DDN: variants seen among roughly 807,000 people sequenced by gnomAD.
DDN encodes dendrin.
A neutral mutation model predicts 7.3 loss-of-function variants in DDN; 4 were observed. The ratio of observed to expected loss-of-function variants is 0.55; its 90% CI spans 0.27 to 1.25. The LOEUF (loss-of-function observed/expected upper bound fraction) is 1.25. Ranked by LOEUF, DDN falls within the 50% of genes most tolerant of loss-of-function variation. The pLI is 0.12. For synonymous variants in DDN, 425 were observed against 424.3 expected, an observed-to-expected ratio of 1.00 and a Z score of -0.02; for missense variants, 933 against 974.7, an observed-to-expected ratio of 0.96 and a Z score of 0.57.
In DDN at chr12:48,998,006, C is replaced by T. The variant is rs1232068689; in HGVS notation, c.870G>A (p.Gly290=). 1 of 1,613,526 alleles carries T rather than the reference C, an allele frequency of 6.2e-7. No individual in the cohort carries two copies. Among genetic ancestry groups the T allele is most frequent in the African/African-American group, 1.3e-5 (1 of 75,070 alleles). Residue 290 remains glycine, a synonymous_variant, in exon 2 of 2, where the codon GGG becomes GGA. Transcript: ENST00000421952. The part of the protein sequence containing the change: ...DVLGAWGLRQ[G]QGLLGGSPGC... ...CTGGGGATCCCCCCAAGAGACCTTG[C>T]CCCTGTCGGAGACCCCAAGCCCCGA...
Position 48,997,433 on chromosome 12 carries a change from C to T in DDN, c.1443G>A (p.Gly481=), listed in dbSNP as rs1941224733. The part of the protein sequence containing the change: ...RTQQVQLLPS[G]VTRVVGDSPS... ...GGGAATCCCCCACCACGCGTGTCAC[C>T]CCAGAGGGCAAAAGCTGCACCTGCT... The change falls in exon 2 of 2, where the codon GGG becomes GGA. Residue 481 remains glycine, a synonymous_variant. Coordinates refer to ENST00000421952, the MANE Select transcript of DDN (RefSeq NM_015086.2). 1 of 1,614,018 alleles carries T rather than the reference C, an allele frequency of 6.2e-7. No individual in the cohort carries two copies.
Position 48,998,097 on chromosome 12 carries a change from G to A in DDN, c.779C>T (p.Thr260Ile). The part of the protein sequence containing the change: ...QVPTSSAPAA[T>I]PARTDGGRTK... ...GCGCCCTCCGTCTGTCCTGGCTGGA[G>A]TCGCAGCTGGGGCTGATGAAGTGGG... The change falls in exon 2 of 2, where the codon ACT becomes ATT. Residue 260 changes from threonine (T) to isoleucine (I), a missense_variant. Coordinates refer to ENST00000421952, the MANE Select transcript of DDN (RefSeq NM_015086.2). 1.2e-6 allele frequency: 2 copies of A among 1,613,984 alleles called. No homozygotes were observed. The highest frequency in any genetic ancestry group is 1.7e-6 in the Non-Finnish European group (2 of 1,180,042).
chr12:48,999,356 C>A lies in DDN; in HGVS notation c.-69G>T. The A allele has an allele frequency of 7.1e-7, 1 of 1,417,946 alleles. No homozygotes were observed. The highest frequency in any genetic ancestry group is 9.4e-7 in the Non-Finnish European group (1 of 1,064,392). 87.8% of individuals were successfully genotyped at this position (1,417,946 alleles called of 1,614,324 possible). A position where few individuals can be genotyped will look rare whatever the true frequency, so the allele number is the denominator to read the frequency against. On this transcript the variant is annotated 5_prime_UTR_variant, in exon 1 of 2. Coordinates refer to ENST00000421952, the MANE Select transcript of DDN (RefSeq NM_015086.2). ...AGGAGCCCCCTCCCAGCCCAGGGAG[C>A]CGGCGCCCACTGCAGAGCCGCGGGC...
chr12:48,999,153 A>G lies in DDN; in HGVS notation c.135T>C (p.Tyr45=), dbSNP rs1941263011. 1 of 1,613,984 alleles carries G rather than the reference A, an allele frequency of 6.2e-7. No individual in the cohort carries two copies. The highest frequency in any genetic ancestry group is 1.1e-5 in the South Asian group (1 of 91,088). ...VIEVKTISCH[Y]SRRAPSRQPM... ...GCTGTCGAGAAGGGGCGCGGCGACT[A>G]TAATGACAGGAAATAGTCTTCACTT... Residue 45 remains tyrosine, a synonymous_variant, in exon 1 of 2, where the codon TAT becomes TAC. Coordinates refer to ENST00000421952, the MANE Select transcript of DDN (RefSeq NM_015086.2).
chr12:48,998,768 A>G, intron 1 of DDN, 102 bp from the exon 2 acceptor site: 1 of 1,364,146 alleles, frequency 7.3e-7, no homozygotes. Context: ...AGCCATGTGA[A>G]GGGGTGTGTG....
intron 1 of DDN, 130 bp from the exon 2 acceptor site, chr12:48,998,796 G>T: frequency 8.3e-7 from 1 of 1,198,648 alleles, no homozygotes; most frequent in Non-Finnish European, 1.1e-6. Flanking sequence ...GTGCGCGTGT[G>T]CACGTGCGTA....
rs1941189127 is a variant in DDN, at chr12:48,995,409, C to T, written c.*1331G>A. 1 of 152,488 alleles carries T rather than the reference C, an allele frequency of 6.6e-6. No individual in the cohort carries two copies. The highest frequency in any genetic ancestry group is 2.1e-4 in the South Asian group (1 of 4,846). 9.4% of individuals were successfully genotyped at this position (152,488 alleles called of 1,614,324 possible). On this transcript the variant is annotated 3_prime_UTR_variant, in exon 2 of 2. Transcript: ENST00000421952. ...AGACTTCGGTGTCTGAGTCCCAAGC[C>T]GGCTGGGGTGGATGAGTACAAAGAT...
At position 48,996,617 on chromosome 12, in the gene DDN, G is replaced by A. The variant is rs1467161210; in HGVS notation, c.*123C>T. 1 of 1,414,374 alleles carries A rather than the reference G, an allele frequency of 7.1e-7. No homozygotes were observed. Among genetic ancestry groups the A allele is most frequent in the Non-Finnish European group, 9.4e-7 (1 of 1,068,338 alleles). The allele number at this position is 1,414,374 out of a possible 1,614,324, so 87.6% of individuals were successfully genotyped here. On this transcript the variant is annotated 3_prime_UTR_variant, in exon 2 of 2. Transcript: ENST00000421952. ...CCCTTCCTTTCATTTATATTTCAAG[G>A]ATGAGAACAGGTATGGGTAAAGATA...
chr12:48,996,862 T>C lies in DDN; in HGVS notation c.2014A>G (p.Lys672Glu). ...ACACTGTCGCTCAGTTCCGCTGTCT[T>C]CCCATCTTCCTCTGGCGAACTGTTT... ...VGNSSPEEDG[K>E]TAELSDSVGE... The change falls in exon 2 of 2, where the codon AAG becomes GAG. Residue 672 changes from lysine (K) to glutamate (E), a missense_variant. Lys to Glu is a moderately conservative substitution (Grantham distance 56). Transcript: ENST00000421952. 1 of 1,614,184 alleles carries C rather than the reference T, an allele frequency of 6.2e-7. No individual in the cohort carries two copies. Among genetic ancestry groups the C allele is most frequent in the South Asian group, 1.1e-5 (1 of 91,082 alleles).
At position 48,997,446 on chromosome 12, in the gene DDN, A is replaced by C. The variant is rs1340873397; in HGVS notation, c.1430T>G (p.Leu477Arg). Residue 477 changes from leucine (L) to arginine (R), a missense_variant, in exon 2 of 2, where the codon CTT (leucine) becomes CGT (arginine). By Grantham distance (102) the Leu-to-Arg change is moderately radical (BLOSUM62 -2). Transcript: ENST00000421952. Reference sequence around the variant, plus strand: ...CACGCGTGTCACCCCAGAGGGCAAAAGCTGCACCTGCTGGGTTCGGGGGGT... The same window carrying C: ...CACGCGTGTCACCCCAGAGGGCAAACGCTGCACCTGCTGGGTTCGGGGGGT... Reference protein sequence around the residue: ...VPTPRTQQVQLLPSGVTRVVG... With the variant: ...VPTPRTQQVQRLPSGVTRVVG... The C allele has an allele frequency of 9.3e-6, 15 of 1,613,966 alleles. No homozygotes were observed. Among genetic ancestry groups the C allele is most frequent in the Non-Finnish European group, 1.1e-5 (13 of 1,180,016 alleles).
chr12:48,999,166 A>G lies in DDN; in HGVS notation c.122T>C (p.Ile41Thr), dbSNP rs965149990. ...SKLLVIEVKT[I>T]SCHYSRRAPS... ...GGCGCGGCGACTATAATGACAGGAA[A>G]TAGTCTTCACTTCTATCACCAATAG... The change falls in exon 1 of 2, where the codon ATT becomes ACT. Residue 41 changes from isoleucine to threonine, a missense_variant. By Grantham distance (89) the Ile-to-Thr change is moderately conservative. Transcript: ENST00000421952. 2 of 1,613,926 alleles carry G rather than the reference A, an allele frequency of 1.2e-6. No homozygotes were observed. Among genetic ancestry groups the G allele is most frequent in the African/African-American group, 2.7e-5 (2 of 74,886 alleles).
Position 48,996,606 on chromosome 12 carries a change from T to C in DDN, c.*134A>G. The C allele has an allele frequency of 7.2e-7, 1 of 1,380,828 alleles. No individual in the cohort carries two copies. Among genetic ancestry groups the C allele is most frequent in the Non-Finnish European group, 9.6e-7 (1 of 1,042,912 alleles). 85.5% of individuals were successfully genotyped at this position (1,380,828 alleles called of 1,614,324 possible). A position where few individuals can be genotyped will look rare whatever the true frequency, so the allele number is the denominator to read the frequency against. On this transcript the variant is annotated 3_prime_UTR_variant, in exon 2 of 2. Transcript: ENST00000421952. ...GGCATATGCTTCCCTTCCTTTCATT[T>C]ATATTTCAAGGATGAGAACAGGTAT...
At chr12:48,998,958 G>GCCC (rs1941259598) in intron 1 of DDN, 121 bp downstream of exon 1, 2 of 1,184,918 alleles carry the variant, frequency 1.7e-6, no homozygotes, top group South Asian at 2.9e-5. Flanking sequence ...TCGGGAGCGG[G>GCCC]CAGAGGTGGA....
rs916573744 is a variant in DDN at position 48,995,666 on chromosome 12, G to C, written c.*1074C>G. 1 of 152,262 alleles carries C rather than the reference G, an allele frequency of 6.6e-6. No individual in the cohort carries two copies. The highest frequency in any genetic ancestry group is 2.4e-5 in the African/African-American group (1 of 41,464). 9.4% of individuals were successfully genotyped at this position (152,262 alleles called of 1,614,324 possible). A position where few individuals can be genotyped will look rare whatever the true frequency, so the allele number is the denominator to read the frequency against. ...GGTGACCGGCCTCTTTCCTTGCCTG[G>C]CCGGTTTCTGGAAGAGGCCAAGATG... On this transcript the variant is annotated 3_prime_UTR_variant, in exon 2 of 2. Coordinates refer to ENST00000421952, the MANE Select transcript of DDN (RefSeq NM_015086.2).
chr12:48,998,532 G>C lies in DDN; in HGVS notation c.344C>G (p.Ala115Gly). 1.3e-6 allele frequency: 2 copies of C among 1,594,250 alleles called. No homozygotes were observed. The highest frequency in any genetic ancestry group is 1.3e-5 in the African/African-American group (1 of 74,226). The change falls in exon 2 of 2, where the codon GCG (alanine) becomes GGG (glycine). Residue 115 changes from alanine (A) to glycine (G), a missense_variant. Transcript: ENST00000421952. ...CTTGGCCTCCCGCTCCTGCGACGCC[G>C]CTTTCCTTTTCTCTTGCTCCCGAGC... The part of the protein sequence containing the change: ...VRAREQEKRK[A>G]ASQEREAKET...
In DDN at chr12:48,995,989, G is replaced by A. The variant is rs1220297062; in HGVS notation, c.*751C>T. 1 of 152,252 alleles carries A rather than the reference G, an allele frequency of 6.6e-6. No individual in the cohort carries two copies. Among genetic ancestry groups the A allele is most frequent in the Non-Finnish European group, 1.5e-5 (1 of 68,082 alleles). The allele number at this position is 152,252 out of a possible 1,614,324, so 9.4% of individuals were successfully genotyped here. A position where few individuals can be genotyped will look rare whatever the true frequency, so the allele number is the denominator to read the frequency against. ...CAAGCCTTGGGCAGTCTCCTGAATT[G>A]ATCATGACTTTGGGTGACACGGAGG... On this transcript the variant is annotated 3_prime_UTR_variant, in exon 2 of 2. Coordinates refer to ENST00000421952, the MANE Select transcript of DDN (RefSeq NM_015086.2).
rs374962529 is a variant in DDN at position 48,996,767 on chromosome 12, G to T, written c.2109C>A (p.Thr703=). 6 of 1,613,966 alleles carry T rather than the reference G, an allele frequency of 3.7e-6. No homozygotes were observed. Among genetic ancestry groups the T allele is most frequent in the Non-Finnish European group, 5.1e-6 (6 of 1,179,938 alleles). Residue 703 remains threonine, a synonymous_variant, in exon 2 of 2, where the codon ACC becomes ACA. Coordinates refer to ENST00000421952, the MANE Select transcript of DDN (RefSeq NM_015086.2). ...ACTGCCTCTTCCTATTTCCCTGTTG[G>T]GTCCCTCTGATGTCCCTCACCCCGA... ...VLFGVRDIRG[T]QQGNRKRQ
In DDN at chr12:48,996,547, C is replaced by T; in HGVS notation, c.*193G>A. 1 of 960,566 alleles carries T rather than the reference C, an allele frequency of 1.0e-6. No individual in the cohort carries two copies. The highest frequency in any genetic ancestry group is 2.7e-5 in the East Asian group (1 of 37,232). The allele number at this position is 960,566 out of a possible 1,614,324, so 59.5% of individuals were successfully genotyped here. A position where few individuals can be genotyped will look rare whatever the true frequency, so the allele number is the denominator to read the frequency against. The stretch of plus-strand genomic sequence containing the variant: ...ATAACAGACATTAATTAAATCTGCT[C>T]ATTCTCACCTCTCCTGAAACAAAAT... On this transcript the variant is annotated 3_prime_UTR_variant, in exon 2 of 2. Transcript: ENST00000421952.
rs769533787 is a variant in DDN, at chr12:48,998,327, G to A, written c.549C>T (p.Ser183=). The A allele has an allele frequency of 3.2e-6, 5 of 1,546,382 alleles. No individual in the cohort carries two copies. The highest frequency in any genetic ancestry group is 8.7e-7 in the Non-Finnish European group (1 of 1,152,976). The change falls in exon 2 of 2, where the codon AGC becomes AGT. Residue 183 remains serine, a synonymous_variant. Transcript: ENST00000421952. The stretch of plus-strand genomic sequence containing the variant: ...GCCCCGCCCACGCCGACCCTGGGTC[G>A]CTCTGCGGCTGCGCGGATGGACGGG... The part of the protein sequence containing the change: ...RAPRPSAQPQ[S]DPGSAWAGPW...
Sources: gnomAD v4.1 joint callset for allele counts on GRCh38, gnomAD v4.1.1 for gene constraint, MANE v1.5 for transcripts, NCBI Gene and HGNC (gene_info 2026-07-23, HGNC 2026-07-21) for gene names.